The following ALG8 variants were observed in gnomAD, a reference collection of about 807,000 sequenced individuals.
The protein encoded by ALG8 is dolichyl pyrophosphate Glc1Man9GlcNAc2 alpha-1,3-glucosyltransferase.
ALG8 carries 48 observed loss-of-function variants against 70.2 expected under a neutral mutation model. The observed-to-expected ratio is 0.68, with a 90% confidence interval of 0.54 to 0.87. The LOEUF (loss-of-function observed/expected upper bound fraction) is 0.87, where lower values mean the gene tolerates loss of function less well. ALG8 is among the 40% of genes least tolerant of loss of function. ALG8 has a pLI of 0.00. For synonymous variants in ALG8, 234 were observed against 229.0 expected (o/e 1.02, Z -0.20); for missense variants, 572 against 608.7 (o/e 0.94, Z 0.64).
rs1203514290 is a variant in ALG8 at position 78,127,444 on chromosome 11, A to C, written c.96-8T>G. 6.2e-7 allele frequency: 1 copy of C among 1,610,458 alleles called. No homozygotes were observed. On this transcript the variant is annotated splice_region_variant and splice_polypyrimidine_tract_variant and intron_variant, in intron 1 of 12. Coordinates refer to ENST00000299626, the MANE Select transcript of ALG8 (RefSeq NM_024079.5). ...TCAAAATCTGTGGAATGGCTACTCA[A>C]AACAATTAGATAAATAAAATGAGAT...
intron 2 of ALG8, 101 bp downstream of exon 2, chr11:78,127,257 G>C: frequency 9.1e-7 from 1 of 1,099,350 alleles, no homozygotes; most frequent in Middle Eastern, 2.9e-4. Flanking sequence ...GATTACAAGC[G>C]TGAGCCACCG....
At chr11:78,122,727 C>T (rs560027127) in intron 3 of ALG8, among the ~76,000 whole-genome samples, 64 of 152,208 alleles carry the variant, frequency 4.2e-4, no homozygotes, top group African/African-American at 1.5e-3. Context: ...TATACTCTTC[C>T]CCTGGAAGCT....
intron 2 of ALG8, among the ~76,000 whole-genome samples, chr11:78,124,568 A>G (rs1245426793): frequency 6.6e-6 from 1 of 152,244 alleles, no homozygotes; most frequent in Non-Finnish European, 1.5e-5. Flanking sequence ...TAAATTATTT[A>G]ACATGGTCTT....
intron 1 of ALG8, among the ~76,000 whole-genome samples, chr11:78,132,882 G>T (rs1435002122): frequency 1.4e-5 from 2 of 140,466 alleles, no homozygotes; most frequent in Non-Finnish European, 3.0e-5. Flanking sequence ...TGTCGACCAG[G>T]TTGGAGTGCA....
chr11:78,126,897 AG>A (rs1861103507), intron 2 of ALG8, among the ~76,000 whole-genome samples: 1 of 152,212 alleles, frequency 6.6e-6, no homozygotes, highest in South Asian at 2.1e-4. Context: ...TTTTGAAGTA[AG>A]GGGATTCCCT....
chr11:78,139,283 G>C, intron 1 of ALG8: 1 of 600,316 alleles, frequency 1.7e-6, no homozygotes, highest in Non-Finnish European at 3.0e-6. Flanking sequence ...AAAGTGATTT[G>C]TTCCAAATCA....
rs544098771 is a variant in ALG8, at chr11:78,139,482, C to A, written c.95+12G>T. 1.9e-5 allele frequency: 30 copies of A among 1,554,148 alleles called. 2 individuals are homozygous for A. The South Asian group carries it at 3.2e-4, about 17-fold the overall frequency. ...CCTCCCCGCCCAGCCCCTGGCCGTG[C>A]GAGTCCCTTACTATGTGGGGATGAG... On this transcript the variant is annotated intron_variant, in intron 1 of 12. Coordinates refer to ENST00000299626, the MANE Select transcript of ALG8 (RefSeq NM_024079.5).
intron 5 of ALG8, among the ~76,000 whole-genome samples, chr11:78,115,157 C>T (rs1420188834): frequency 1.3e-5 from 2 of 152,134 alleles, no homozygotes; most frequent in Non-Finnish European, 2.9e-5. Flanking sequence ...CTCAGCCTCC[C>T]GAGTAGCTGG....
chr11:78,120,174 AT>A (rs1305151147), intron 4 of ALG8, among the ~76,000 whole-genome samples: 1 of 151,964 alleles, frequency 6.6e-6, no homozygotes, highest in African/African-American at 2.4e-5. Context: ...AAATATATAA[AT>A]TTTTTTTATT....
intron 2 of ALG8, among the ~76,000 whole-genome samples, chr11:78,124,662 T>C (rs1490901438): frequency 6.6e-6 from 1 of 152,220 alleles, no homozygotes; most frequent in Non-Finnish European, 1.5e-5. Context: ...GACATGGTTC[T>C]ACTCATCTAA....
chr11:78,101,054 C>T lies in ALG8; in HGVS notation c.1491G>A (p.Val497=), dbSNP rs766871884. The change falls in exon 13 of 13, where the codon GTG becomes GTA. Residue 497 remains valine (V), a synonymous_variant. Coordinates refer to ENST00000299626, the MANE Select transcript of ALG8 (RefSeq NM_024079.5). ...YPFIPLLLTS[V]YCAVGITYAW... ...CATATGTGATGCCTACTGCACAATA[C>T]ACTGAGGTTAGTAACAAAGGGATGA... 3.1e-6 allele frequency: 5 copies of T among 1,614,194 alleles called. No homozygotes were observed. In the South Asian group the frequency reaches 5.5e-5, roughly 18 times the overall value.
intron 2 of ALG8, among the ~76,000 whole-genome samples, chr11:78,127,104 G>C (rs921364587): frequency 3.3e-5 from 5 of 151,648 alleles, no homozygotes; most frequent in Middle Eastern, 3.2e-3. Flanking sequence ...CTCAGCTCCT[G>C]AGTAGCTGGG....
At chr11:78,132,663 TTCAGA>T (rs1861353619) in intron 1 of ALG8, among the ~76,000 whole-genome samples, 3 of 149,854 alleles carry the variant, frequency 2.0e-5, no homozygotes, top group Non-Finnish European at 4.4e-5. Flanking sequence ...AGTGTGCTCT[TTCAGA>T]TAAGTTCTAC....
chr11:78,114,599 T>G lies in ALG8; in HGVS notation c.547-207A>C. The G allele has an allele frequency of 1.1e-5, 7 of 621,216 alleles. No individual in the cohort carries two copies. The South Asian group carries it at 1.3e-4, about 11-fold the overall frequency. 38.5% of individuals were successfully genotyped at this position (621,216 alleles called of 1,614,324 possible). ...AATGGGGGAAAATGGGTGAGGGATATATAGGAACTCTCTGTACTATTTCTA... is the reference window on the plus strand; with the variant it reads ...AATGGGGGAAAATGGGTGAGGGATAGATAGGAACTCTCTGTACTATTTCTA... On this transcript the variant is annotated intron_variant, in intron 5 of 12. Coordinates refer to ENST00000299626, the MANE Select transcript of ALG8 (RefSeq NM_024079.5).
intron 1 of ALG8, among the ~76,000 whole-genome samples, chr11:78,132,988 C>G (rs1861372392): frequency 6.6e-6 from 1 of 152,070 alleles, no homozygotes; most frequent in Admixed American, 6.6e-5. Context: ...ACGCGCCCAC[C>G]ACCACACCCG....
rs611331 is a variant in ALG8 at position 78,104,730 on chromosome 11, G to A, written c.1179-277C>T. On this transcript the variant is annotated intron_variant, in intron 10 of 12. Coordinates refer to ENST00000299626, the MANE Select transcript of ALG8 (RefSeq NM_024079.5). ...TTTAATCCCAGCACTTTGGGAGGCCGAGGCGGGAGGATCACCTGAGGTCAG... is the reference window on the plus strand; with the variant it reads ...TTTAATCCCAGCACTTTGGGAGGCCAAGGCGGGAGGATCACCTGAGGTCAG... Among the ~76,000 whole-genome samples the A allele has an allele frequency of 0.22, 33,368 of 152,094 alleles. 4,515 individuals carry two copies. The highest frequency in any genetic ancestry group is 0.38 in the African/African-American group (15,834 of 41,466).
intron 1 of ALG8, among the ~76,000 whole-genome samples, chr11:78,130,361 A>AAAAAAAAAAAAAAAGAAAAGAAAAGAAAG (rs928560857): frequency 9.8e-5 from 13 of 132,696 alleles, no homozygotes; most frequent in East Asian, 2.3e-4. Context: ...AAAAAAAAAA[A>AAAAAAAAAAAAAAAGAAAAGAAAAGAAAG]AAAAAAGGTG....
chr11:78,103,390 G>A (rs1389174367), intron 12 of ALG8: 1 of 152,880 alleles, frequency 6.5e-6, no homozygotes, highest in Non-Finnish European at 1.5e-5. Flanking sequence ...CTTGAACCCA[G>A]GAGGCGGAAG....
At chr11:78,134,365 T>C (rs1434750688) in intron 1 of ALG8, among the ~76,000 whole-genome samples, 1 of 152,156 alleles carries the variant, frequency 6.6e-6, no homozygotes, top group Non-Finnish European at 1.5e-5. Flanking sequence ...CTTGAACTCC[T>C]GACCTCAGGT....
Sources: gnomAD v4.1 joint callset for allele counts (sites outside exome capture counted in the v4.1 genomes callset) on GRCh38, gnomAD v4.1.1 for gene constraint, MANE v1.5 for transcripts, NCBI Gene and HGNC (gene_info 2026-07-23, HGNC 2026-07-21) for gene names.